PPP3CA: variants seen among roughly 807,000 people sequenced by gnomAD.
The protein encoded by PPP3CA is protein phosphatase 3 catalytic subunit alpha, also known as CAM-PRP catalytic subunit.
PPP3CA carries 14 observed loss-of-function variants against 66.5 expected under a neutral mutation model. The observed-to-expected ratio is 0.21, with a 90% CI of 0.14 to 0.33. The LOEUF (loss-of-function observed/expected upper bound fraction) is 0.33, where lower values mean the gene tolerates loss of function less well. Ranked by LOEUF, PPP3CA falls within the 10% of genes least tolerant of loss-of-function variation. The pLI is 1.00. For missense variants in PPP3CA, 317 were observed against 639.5 expected (o/e 0.50, Z 5.44); for synonymous variants, 232 against 226.2 (o/e 1.03, Z -0.23).
intron 1 of PPP3CA, among the ~76,000 whole-genome samples, chr4:101,287,891 A>T (rs1727895462): frequency 6.6e-6 from 1 of 152,158 alleles, no homozygotes; most frequent in South Asian, 2.1e-4. Flanking sequence ...TGCAAACTCA[A>T]GAAATGCAAA....
intron 2 of PPP3CA, among the ~76,000 whole-genome samples, chr4:101,129,065 G>A (rs1400188860): frequency 6.6e-6 from 1 of 152,174 alleles, no homozygotes; most frequent in East Asian, 1.9e-4. Context: ...GGTGTGGTGA[G>A]GGACATCTGC....
At chr4:101,110,635 T>C (rs1231195091) in intron 2 of PPP3CA, among the ~76,000 whole-genome samples, 3 of 152,208 alleles carry the variant, frequency 2.0e-5, no homozygotes, top group East Asian at 3.8e-4. Flanking sequence ...TATTCTTCCA[T>C]TTTTGAAAAA....
chr4:101,121,463 C>A (rs984564234), intron 2 of PPP3CA, among the ~76,000 whole-genome samples: 1 of 152,022 alleles, frequency 6.6e-6, no homozygotes, highest in African/African-American at 2.4e-5. Flanking sequence ...AATCCTAAAT[C>A]TCTTATTAGT....
At chr4:101,215,342 T>C (rs113795811) in intron 1 of PPP3CA, among the ~76,000 whole-genome samples, 4 of 152,026 alleles carry the variant, frequency 2.6e-5, no homozygotes, top group Admixed American at 2.0e-4. Context: ...AGAATATAAA[T>C]AGACTTCTCT....
At chr4:101,056,404 G>C (rs1728225018) in intron 10 of PPP3CA, among the ~76,000 whole-genome samples, 1 of 152,106 alleles carries the variant, frequency 6.6e-6, no homozygotes. Flanking sequence ...TAGTAAACAG[G>C]AGTTGACAGA....
intron 2 of PPP3CA, among the ~76,000 whole-genome samples, chr4:101,193,084 T>C (rs1036198037): frequency 2.5e-4 from 38 of 152,250 alleles, no homozygotes; most frequent in Non-Finnish European, 8.8e-5. Flanking sequence ...ACCTAGGTTA[T>C]ATCCTTTAAT....
intron 1 of PPP3CA, among the ~76,000 whole-genome samples, chr4:101,282,192 A>G (rs1290091584): frequency 2.6e-5 from 4 of 152,232 alleles, no homozygotes; most frequent in Non-Finnish European, 4.4e-5. Context: ...AATTTTGAGT[A>G]GAAGTGTTTT....
chr4:101,197,669 G>A (rs940046077), intron 1 of PPP3CA, among the ~76,000 whole-genome samples: 7 of 152,128 alleles, frequency 4.6e-5, no homozygotes, highest in Non-Finnish European at 7.4e-5. Flanking sequence ...GCCAGGCATC[G>A]TTTAGGTAAT....
chr4:101,269,486 G>T (rs1288223485), intron 1 of PPP3CA, among the ~76,000 whole-genome samples: 1 of 129,662 alleles, frequency 7.7e-6, no homozygotes, highest in Admixed American at 7.7e-5. Flanking sequence ...AATGGGGATA[G>T]AATTCGATTT....
chr4:101,046,038 T>C lies in PPP3CA; in HGVS notation c.1157-5472A>G, dbSNP rs560203386. On this transcript the variant is annotated intron_variant, in intron 10 of 13. Coordinates refer to ENST00000394854, the MANE Select transcript of PPP3CA (RefSeq NM_000944.5). Reference sequence around the variant, plus strand: ...AATAGCAGCTTTGGGGAGAGAAGTCTCTATGTCCTGCCCTGCCCTTCCTTT... The same window carrying C: ...AATAGCAGCTTTGGGGAGAGAAGTCCCTATGTCCTGCCCTGCCCTTCCTTT... Among the ~76,000 whole-genome samples the C allele has an allele frequency of 1.4e-4, 21 of 152,310 alleles. No individual in the cohort carries two copies. In the South Asian group the frequency reaches 4.4e-3, roughly 32 times the overall value.
chr4:101,139,978 C>T (rs1722753410), intron 2 of PPP3CA, among the ~76,000 whole-genome samples: 1 of 151,786 alleles, frequency 6.6e-6, no homozygotes, highest in Non-Finnish European at 1.5e-5. Context: ...CATTACCATA[C>T]AATTTTAGCT....
chr4:101,135,749 C>T (rs1314344822), intron 2 of PPP3CA, among the ~76,000 whole-genome samples: 1 of 152,212 alleles, frequency 6.6e-6, no homozygotes, highest in East Asian at 1.9e-4. Context: ...TGAGCTCACC[C>T]ACACTAGAAA....
chr4:101,306,952 G>T (rs750800773), intron 1 of PPP3CA, among the ~76,000 whole-genome samples: 1 of 152,076 alleles, frequency 6.6e-6, no homozygotes, highest in Non-Finnish European at 1.5e-5. Flanking sequence ...TTTCCTTCCT[G>T]GTAGAGAGCT....
At chr4:101,213,959 A>G (rs1302957574) in intron 1 of PPP3CA, among the ~76,000 whole-genome samples, 1 of 152,150 alleles carries the variant, frequency 6.6e-6, no homozygotes, top group Non-Finnish European at 1.5e-5. Context: ...TTGACAAGTG[A>G]CAGGGTTGCC....
chr4:101,083,200 T>TC lies in PPP3CA; in HGVS notation c.845_846insG (p.Ala283SerfsTer35). ...AAACTGCTCACCCTGCATCTTGGGCTTCGTGGGCTCGGAGTATAGATAACA... is the reference window on the plus strand; with the variant it reads ...AAACTGCTCACCCTGCATCTTGGGCTCTCGTGGGCTCGGAGTATAGATAACA... On this transcript the variant is annotated frameshift_variant, in exon 7 of 14. Coordinates refer to ENST00000394854, the MANE Select transcript of PPP3CA (RefSeq NM_000944.5). LOFTEE classifies it high-confidence loss of function. 1 of 1,472,820 alleles carries TC rather than the reference T, an allele frequency of 6.8e-7. No individual in the cohort carries two copies. Among genetic ancestry groups the TC allele is most frequent in the Non-Finnish European group, 9.1e-7 (1 of 1,102,538 alleles). 91.2% of individuals were successfully genotyped at this position (1,472,820 alleles called of 1,614,324 possible).
rs181596300 is a variant in PPP3CA at position 101,034,707 on chromosome 4, T to G, written c.1242-2343A>C. ...ATTTCTGTATCCTCTACTGCAAAGT[T>G]TACTTAAAAATAATAGGTTTGAGAT... is the stretch of plus-strand genomic sequence containing the variant. On this transcript the variant is annotated intron_variant, in intron 11 of 13. Transcript: ENST00000394854. 1.4e-3 allele frequency among the ~76,000 whole-genome samples: 210 copies of G among 152,354 alleles called. 2 individuals are homozygous for G. The highest frequency in any genetic ancestry group is 2.5e-4 in the Non-Finnish European group (17 of 68,036).
intron 1 of PPP3CA, among the ~76,000 whole-genome samples, chr4:101,200,266 C>T (rs1560654816): frequency 6.6e-6 from 1 of 152,086 alleles, no homozygotes; most frequent in African/African-American, 2.4e-5. Context: ...GGATATGTAA[C>T]TTTTTAAAAT....
chr4:101,093,297 A>T (rs1730040369), intron 6 of PPP3CA, among the ~76,000 whole-genome samples: 1 of 152,102 alleles, frequency 6.6e-6, no homozygotes, highest in Non-Finnish European at 1.5e-5. Context: ...AACCATCAAC[A>T]TCGAGGCAAG....
At chr4:101,152,022 TCATTATTTCA>T (rs1384148356) in intron 2 of PPP3CA, among the ~76,000 whole-genome samples, 1 of 152,210 alleles carries the variant, frequency 6.6e-6, no homozygotes, top group Admixed American at 6.5e-5. Flanking sequence ...TAGAAAAACC[TCATTATTTCA>T]ACATAACTAG....
Sources: allele counts gnomAD v4.1 joint callset (sites outside exome capture counted in the v4.1 genomes callset), GRCh38; gene constraint gnomAD v4.1.1; transcripts MANE v1.5; gene names NCBI Gene and HGNC (gene_info 2026-07-23, HGNC 2026-07-21).